RRM2B: variants seen among roughly 807,000 people sequenced by gnomAD.
RRM2B encodes ribonucleoside-diphosphate reductase subunit M2 B.
RRM2B carries 20 observed loss-of-function variants against 45.9 expected under a neutral mutation model. The observed-to-expected ratio is 0.44, with a 90% CI of 0.31 to 0.63. RRM2B has a LOEUF of 0.63. RRM2B is among the 30% of genes least tolerant of loss of function. RRM2B has a pLI of 0.09. For missense variants in RRM2B, 320 were observed against 414.7 expected (o/e 0.77, Z 1.98); for synonymous variants, 124 against 132.3 (o/e 0.94, Z 0.43).
At chr8:102,238,418 T>C (rs1444567727) in intron 1 of RRM2B, 1 of 660,986 alleles carries the variant, frequency 1.5e-6, no homozygotes, top group Non-Finnish European at 2.2e-6. Context: ...CAACTCCTTG[T>C]CACCATCCCA....
intron 3 of RRM2B, 78 bp from the exon 4 acceptor site, chr8:102,225,096 GCA>G: frequency 1.3e-6 from 2 of 1,494,048 alleles, no homozygotes; most frequent in Non-Finnish European, 1.9e-6. Flanking sequence ...CTGGACATCA[GCA>G]TTATCGCTTA....
intron 2 of RRM2B, 123 bp from the exon 3 acceptor site, chr8:102,226,157 G>A: frequency 1.4e-6 from 1 of 694,872 alleles, no homozygotes; most frequent in Non-Finnish European, 2.6e-6. Flanking sequence ...GAAAAAGAAA[G>A]ATGTTAGCAC....
At chr8:102,237,594 C>A (rs1012116304) in intron 1 of RRM2B, among the ~76,000 whole-genome samples, 4 of 152,202 alleles carry the variant, frequency 2.6e-5, no homozygotes, top group Non-Finnish European at 5.9e-5. Flanking sequence ...CACTAAAATT[C>A]ATTCTGAATC....
chr8:102,233,970 G>A (rs368125034), intron 1 of RRM2B, among the ~76,000 whole-genome samples: 4 of 152,228 alleles, frequency 2.6e-5, no homozygotes, highest in African/African-American at 4.8e-5. Flanking sequence ...ATGTGCACAC[G>A]TCACCACACC....
intron 1 of RRM2B, 113 bp downstream of exon 1, chr8:102,238,714 G>A (rs1194506237): frequency 2.5e-6 from 4 of 1,577,534 alleles, no homozygotes; most frequent in Non-Finnish European, 2.6e-6. Flanking sequence ...AGGGCGGGCG[G>A]ACAGGCCTGT....
At chr8:102,221,202 TATAAC>T (rs1810830090) in intron 5 of RRM2B, among the ~76,000 whole-genome samples, 2 of 152,232 alleles carry the variant, frequency 1.3e-5, no homozygotes, top group South Asian at 4.1e-4. Flanking sequence ...TGAATCTCCT[TATAAC>T]ATAAACTTCC....
intron 2 of RRM2B, among the ~76,000 whole-genome samples, chr8:102,226,439 G>C (rs1338627523): frequency 6.6e-6 from 1 of 151,732 alleles, no homozygotes; most frequent in Non-Finnish European, 1.5e-5. Flanking sequence ...AAGCTGGCCA[G>C]GATGTACTTT....
chr8:102,235,675 C>G (rs1471587669), intron 1 of RRM2B, among the ~76,000 whole-genome samples: 1 of 152,054 alleles, frequency 6.6e-6, no homozygotes, highest in African/African-American at 2.4e-5. Flanking sequence ...CCCGTCTCTA[C>G]TAAAAATACA....
chr8:102,222,895 T>C lies in RRM2B; in HGVS notation c.550+1151A>G, dbSNP rs752778101. On this transcript the variant is annotated intron_variant, in intron 5 of 8. Coordinates refer to ENST00000251810, the MANE Select transcript of RRM2B (RefSeq NM_015713.5). ...AAATATAATGGGTTGATTATTGCTATCTTAGAATGCACTAATAAATATTTT... is the reference window on the plus strand; with the variant it reads ...AAATATAATGGGTTGATTATTGCTACCTTAGAATGCACTAATAAATATTTT... Among the ~76,000 whole-genome samples the C allele has an allele frequency of 2.0e-5, 3 of 152,316 alleles. No homozygotes were observed. In the South Asian group the frequency reaches 6.2e-4, roughly 32 times the overall value.
At chr8:102,236,605 G>C (rs963090577) in intron 1 of RRM2B, among the ~76,000 whole-genome samples, 4 of 152,202 alleles carry the variant, frequency 2.6e-5, no homozygotes, top group Non-Finnish European at 5.9e-5. Context: ...CACAGGGTCA[G>C]TGACACTGAG....
At chr8:102,234,436 C>T (rs187451888) in intron 1 of RRM2B, among the ~76,000 whole-genome samples, 1 of 152,130 alleles carries the variant, frequency 6.6e-6, no homozygotes, top group East Asian at 1.9e-4. Flanking sequence ...GAAACGTGCA[C>T]AAACATACAT....
intron 1 of RRM2B, among the ~76,000 whole-genome samples, chr8:102,233,669 TAC>T (rs574526638): frequency 5.8e-4 from 89 of 152,336 alleles, no homozygotes; most frequent in Non-Finnish European, 1.1e-3. Context: ...CAGATATAAG[TAC>T]ATAGCTCACT....
At position 102,213,010 on chromosome 8, in the gene RRM2B, G is replaced by A. The variant is rs1810662358; in HGVS notation, c.790-121C>T. ...ATTTTGTCCAAGGAAAGTATATTAGGATAAATTCTTTCAATGTGGCAAATG... is the reference window on the plus strand; with the variant it reads ...ATTTTGTCCAAGGAAAGTATATTAGAATAAATTCTTTCAATGTGGCAAATG... On this transcript the variant is annotated intron_variant, in intron 7 of 8. Coordinates refer to ENST00000251810, the MANE Select transcript of RRM2B (RefSeq NM_015713.5). 2.1e-5 allele frequency: 14 copies of A among 678,736 alleles called. No homozygotes were observed. In the South Asian group the frequency reaches 2.1e-4, roughly 10 times the overall value. 42.0% of individuals were successfully genotyped at this position (678,736 alleles called of 1,614,324 possible).
chr8:102,213,040 CCGTATATTTA>C, intron 7 of RRM2B, 151 bp from the exon 8 acceptor site: 1 of 640,650 alleles, frequency 1.6e-6, no homozygotes, highest in East Asian at 2.8e-5. Context: ...CAAATGATGT[CCGTATATTTA>C]AAAACATTTG....
Position 102,206,200 on chromosome 8 carries a change from T to C in RRM2B, c.*1933A>G, listed in dbSNP as rs146129527. 3 of 151,940 alleles carry C rather than the reference T, an allele frequency of 2.0e-5. No individual in the cohort carries two copies. The highest frequency in any genetic ancestry group is 2.4e-5 in the African/African-American group (1 of 41,372). The allele number at this position is 151,940 out of a possible 1,614,324, so 9.4% of individuals were successfully genotyped here. ...GGAAATAGACAAAAGCAAATCAACA[T>C]AGATGGTAAAGGACTAAATCTGAGA... On this transcript the variant is annotated 3_prime_UTR_variant, in exon 9 of 9. Transcript: ENST00000251810.
intron 6 of RRM2B, 51 bp from the exon 7 acceptor site, chr8:102,214,209 G>A: frequency 8.0e-7 from 1 of 1,247,322 alleles, no homozygotes; most frequent in Non-Finnish European, 1.2e-6. Flanking sequence ...TCAGCTATTT[G>A]CATATGGTGA....
rs190474682 is a variant in RRM2B at position 102,207,316 on chromosome 8, C to G, written c.*817G>C. On this transcript the variant is annotated 3_prime_UTR_variant, in exon 9 of 9. Transcript: ENST00000251810. ...CTCTTAGAATATTCTTTGGAAAATG[C>G]TATTCTAGCCTGATTCTAAACATTC... 6.6e-6 allele frequency: 1 copy of G among 152,122 alleles called. No individual in the cohort carries two copies. The highest frequency in any genetic ancestry group is 1.5e-5 in the Non-Finnish European group (1 of 68,016). The allele number at this position is 152,122 out of a possible 1,614,324, so 9.4% of individuals were successfully genotyped here.
intron 6 of RRM2B, among the ~76,000 whole-genome samples, chr8:102,215,050 A>T (rs1400666234): frequency 6.7e-6 from 1 of 148,202 alleles, no homozygotes; most frequent in Admixed American, 6.7e-5. Context: ...AATATTAAAA[A>T]AAAAAAAAAA....
intron 3 of RRM2B, among the ~76,000 whole-genome samples, chr8:102,225,266 G>A (rs1043605425): frequency 5.0e-5 from 6 of 120,642 alleles, no homozygotes; most frequent in African/African-American, 6.5e-5. Context: ...ATGGAGTCTC[G>A]ATCTGTCACC....
Sources: allele counts gnomAD v4.1 joint callset (sites outside exome capture counted in the v4.1 genomes callset), GRCh38; gene constraint gnomAD v4.1.1; transcripts MANE v1.5; gene names NCBI Gene and HGNC (gene_info 2026-07-23, HGNC 2026-07-21).